The following PRDM16 variants were observed in gnomAD, a reference collection of about 807,000 sequenced individuals.
PRDM16 encodes histone-lysine N-methyltransferase PRDM16.
A neutral mutation model predicts 110.6 loss-of-function variants in PRDM16; 23 were observed. The observed-to-expected ratio is 0.21, with a 90% CI of 0.15 to 0.29. PRDM16 has a LOEUF of 0.29. PRDM16 is among the 10% of genes least tolerant of loss of function. The probability of loss-of-function intolerance (pLI) is 1.00; values close to 1 mark genes in which losing one functional copy is unlikely to be tolerated. For missense variants in PRDM16, 1,615 were observed against 1,794.3 expected (o/e 0.90, Z 1.81); for synonymous variants, 799 against 781.8 (o/e 1.02, Z -0.37).
chr1:3,366,903 G>T (rs1207421221), intron 3 of PRDM16, among the ~76,000 whole-genome samples: 1 of 152,176 alleles, frequency 6.6e-6, no homozygotes, highest in Non-Finnish European at 1.5e-5. Context: ...AGCATCCCGG[G>T]GAGTGAGGGG....
At chr1:3,287,457 G>A (rs1283958245) in intron 3 of PRDM16, among the ~76,000 whole-genome samples, 2 of 62,390 alleles carry the variant, frequency 3.2e-5, no homozygotes, top group African/African-American at 1.1e-4. Context: ...GGCTGGAGCC[G>A]CCCCTGCCAC....
At chr1:3,340,576 T>C (rs1642251731) in intron 3 of PRDM16, among the ~76,000 whole-genome samples, 1 of 152,164 alleles carries the variant, frequency 6.6e-6, no homozygotes, top group Non-Finnish European at 1.5e-5. Flanking sequence ...CCTCCCCCAC[T>C]CTGAGTCTGT....
chr1:3,413,249 C>T (rs981832872), intron 9 of PRDM16, among the ~76,000 whole-genome samples: 5 of 151,960 alleles, frequency 3.3e-5, no homozygotes, highest in African/African-American at 1.2e-4. Context: ...TCCTGCCCCT[C>T]CTGGTGCGCT....
Position 3,411,770 on chromosome 1 carries a change from C to A in PRDM16, c.1573C>A (p.Arg525=), listed in dbSNP as rs369644938. 1 of 1,611,842 alleles carries A rather than the reference C, an allele frequency of 6.2e-7. No individual in the cohort carries two copies. The highest frequency in any genetic ancestry group is 8.5e-7 in the Non-Finnish European group (1 of 1,179,708). ...PGIFPPSLYP[R]PPLLPPTSLL... The stretch of plus-strand genomic sequence containing the variant: ...CATCTTCCCTCCATCCTTGTACCCC[C>A]GGCCGCCTCTGCTACCTCCCACATC... The change falls in exon 9 of 17, where the codon CGG becomes AGG. Residue 525 remains arginine, a synonymous_variant. Coordinates refer to ENST00000270722, the MANE Select transcript of PRDM16 (RefSeq NM_022114.4).
Position 3,087,633 on chromosome 1 carries a change from G to A in PRDM16, c.37+18337G>A, listed in dbSNP as rs550389216. On this transcript the variant is annotated intron_variant, in intron 1 of 16. Transcript: ENST00000270722. ...GCATTCTTAGTCAAAAATGCCCAAC[G>A]CACCCTGTTTCCTTGGACGTGACCA... 8.5e-5 allele frequency among the ~76,000 whole-genome samples: 13 copies of A among 152,170 alleles called. No homozygotes were observed. In the South Asian group the frequency reaches 1.9e-3, roughly 22 times the overall value.
At chr1:3,079,102 C>T (rs986212902) in intron 1 of PRDM16, among the ~76,000 whole-genome samples, 3 of 152,260 alleles carry the variant, frequency 2.0e-5, no homozygotes, top group Non-Finnish European at 2.9e-5. Context: ...GGCATTAATC[C>T]TCATTTTACT....
chr1:3,141,818 T>C (rs967070291), intron 1 of PRDM16, among the ~76,000 whole-genome samples: 2 of 152,216 alleles, frequency 1.3e-5, no homozygotes, highest in Non-Finnish European at 2.9e-5. Flanking sequence ...ATTCTCACTG[T>C]CTCAGTTGGG....
At chr1:3,083,948 C>T (rs935395239) in intron 1 of PRDM16, among the ~76,000 whole-genome samples, 11 of 152,190 alleles carry the variant, frequency 7.2e-5, no homozygotes, top group South Asian at 2.1e-4. Context: ...CTGGCTTTAC[C>T]GTGGAGACTT....
chr1:3,077,971 C>G (rs1400626117), intron 1 of PRDM16, among the ~76,000 whole-genome samples: 2 of 152,168 alleles, frequency 1.3e-5, no homozygotes, highest in African/African-American at 4.8e-5. Context: ...CTGTTCTGGC[C>G]CCTGCCACAT....
intron 3 of PRDM16, among the ~76,000 whole-genome samples, chr1:3,324,090 C>T (rs1022057505): frequency 6.6e-6 from 1 of 152,176 alleles, no homozygotes; most frequent in Non-Finnish European, 1.5e-5. Context: ...CCTGGACACT[C>T]CTGCCAGCCA....
At chr1:3,170,157 T>A (rs1412531919) in intron 1 of PRDM16, among the ~76,000 whole-genome samples, 1 of 152,232 alleles carries the variant, frequency 6.6e-6, no homozygotes, top group African/African-American at 2.4e-5. Context: ...CTTGATTCCG[T>A]GGTTAAAACT....
rs1639792444 is a variant in PRDM16 at position 3,246,451 on chromosome 1, T to C, written c.438+2314T>C. On this transcript the variant is annotated intron_variant, in intron 3 of 16. Coordinates refer to ENST00000270722, the MANE Select transcript of PRDM16 (RefSeq NM_022114.4). This position sits in a 1 kb window ranked among gnomAD's most constrained non-coding sequence, Gnocchi z 5.2. ...CGGCACCGCCGCGACTGCAGGGAGCTCAGCGCAGGGTACCAGAGCCAGCAT... is the reference window on the plus strand; with the variant it reads ...CGGCACCGCCGCGACTGCAGGGAGCCCAGCGCAGGGTACCAGAGCCAGCAT... Among the ~76,000 whole-genome samples the C allele has an allele frequency of 6.6e-6, 1 of 152,150 alleles. No individual in the cohort carries two copies. Among genetic ancestry groups the C allele is most frequent in the Non-Finnish European group, 1.5e-5 (1 of 68,020 alleles).
chr1:3,330,798 T>C (rs1570087589), intron 3 of PRDM16, among the ~76,000 whole-genome samples: 1 of 152,178 alleles, frequency 6.6e-6, no homozygotes, highest in Non-Finnish European at 1.5e-5. Flanking sequence ...AAACCTTGGA[T>C]CTCTGGCCGA....
At chr1:3,097,018 C>T (rs186279566) in intron 1 of PRDM16, among the ~76,000 whole-genome samples, 1 of 152,218 alleles carries the variant, frequency 6.6e-6, no homozygotes. Context: ...CCACCTGCTG[C>T]AGCCATGGGT....
In PRDM16 at chr1:3,437,984, C is replaced by T. The variant is rs539296159; in HGVS notation, c.*4173C>T. ...TCCTCGCAGAATCACAGACCTGTGC[C>T]GCCCGCCACCTTCTGCCATTGTTAC... is the stretch of plus-strand genomic sequence containing the variant. On this transcript the variant is annotated 3_prime_UTR_variant, in exon 17 of 17. Transcript: ENST00000270722. The T allele has an allele frequency of 2.2e-4, 48 of 219,918 alleles. No homozygotes were observed. The highest frequency in any genetic ancestry group is 7.6e-4 in the African/African-American group (34 of 44,684). The allele number at this position is 219,918 out of a possible 1,614,324, so 13.6% of individuals were successfully genotyped here.
chr1:3,389,464 G>A (rs904490567), intron 4 of PRDM16, among the ~76,000 whole-genome samples: 15 of 152,156 alleles, frequency 9.9e-5, no homozygotes, highest in African/African-American at 1.4e-4. Context: ...CCACCTCCAC[G>A]TTCTCATCTG....
chr1:3,330,137 G>A (rs972556270), intron 3 of PRDM16, among the ~76,000 whole-genome samples: 1 of 152,158 alleles, frequency 6.6e-6, no homozygotes, highest in Non-Finnish European at 1.5e-5. Context: ...CTTCACCTTG[G>A]GCTTGTCAAA....
intron 2 of PRDM16, among the ~76,000 whole-genome samples, chr1:3,226,820 G>T (rs2651888): frequency 0.39 from 59,585 of 152,016 alleles, 17,720 homozygotes; most frequent in African/African-American, 0.82. Flanking sequence ...AATGAGAACG[G>T]TGTCGGCTAA....
intron 3 of PRDM16, among the ~76,000 whole-genome samples, chr1:3,357,555 C>T (rs1467874957): frequency 1.4e-5 from 2 of 139,164 alleles, no homozygotes; most frequent in Admixed American, 6.8e-5. Context: ...CAGGAAGCGC[C>T]GTTCCCCCCA....
Sources: allele counts gnomAD v4.1 joint callset (sites outside exome capture counted in the v4.1 genomes callset), GRCh38; gene constraint gnomAD v4.1.1; non-coding constraint Gnocchi (gnomAD v3.1); transcripts MANE v1.5; gene names NCBI Gene and HGNC (gene_info 2026-07-23, HGNC 2026-07-21).